KCNU1: variants seen among roughly 807,000 people sequenced by gnomAD.
KCNU1 encodes potassium calcium-activated channel subfamily U member 1.
Under a neutral mutation model 126.8 loss-of-function variants are expected in KCNU1, and 93 were observed. That is an observed-to-expected ratio of 0.73 (90% CI 0.62 to 0.87). KCNU1 has a LOEUF of 0.87. Ranked by LOEUF, KCNU1 falls within the 40% of genes least tolerant of loss-of-function variation. The pLI is 0.00. For synonymous variants in KCNU1, 523 were observed against 494.2 expected (o/e 1.06, Z -0.77); for missense variants, 1,330 against 1,367.1 (o/e 0.97, Z 0.43).
chr8:36,790,267 C>A (rs1174526359), intron 2 of KCNU1, among the ~76,000 whole-genome samples: 6 of 151,714 alleles, frequency 4.0e-5, no homozygotes. Context: ...AAAAATATAA[C>A]CTCAAGATAT....
At chr8:36,838,069 A>G (rs1199639986) in intron 14 of KCNU1, among the ~76,000 whole-genome samples, 2 of 152,224 alleles carry the variant, frequency 1.3e-5, no homozygotes, top group African/African-American at 4.8e-5. Flanking sequence ...CGTGAATGTA[A>G]AGAGATGTAA....
At chr8:36,861,317 T>A (rs1805722319) in intron 18 of KCNU1, among the ~76,000 whole-genome samples, 1 of 152,224 alleles carries the variant, frequency 6.6e-6, no homozygotes, top group Admixed American at 6.5e-5. Context: ...TTCCATGATT[T>A]CCAATCGTTA....
chr8:36,857,566 A>G (rs1805570408), intron 18 of KCNU1, among the ~76,000 whole-genome samples: 1 of 152,156 alleles, frequency 6.6e-6, no homozygotes, highest in Admixed American at 6.6e-5. Flanking sequence ...AAGATTTAGT[A>G]TATTTTATTG....
chr8:36,912,923 G>A (rs535651840), intron 22 of KCNU1, among the ~76,000 whole-genome samples: 11 of 130,996 alleles, frequency 8.4e-5, no homozygotes, highest in South Asian at 4.9e-4. Context: ...AGCTAAGATC[G>A]TGCCACTGCA....
intron 19 of KCNU1, among the ~76,000 whole-genome samples, chr8:36,871,073 G>A (rs1048604874): frequency 1.3e-5 from 2 of 152,030 alleles, no homozygotes; most frequent in Non-Finnish European, 2.9e-5. Context: ...ATCTTCATCA[G>A]GTCTCAATAG....
intron 19 of KCNU1, among the ~76,000 whole-genome samples, chr8:36,897,309 C>T (rs909129022): frequency 1.3e-5 from 2 of 151,902 alleles, no homozygotes; most frequent in Admixed American, 1.3e-4. Context: ...TAGAATCATT[C>T]TCTCTCTTTT....
intron 7 of KCNU1, 64 bp downstream of exon 7, chr8:36,808,857 G>A (rs1803604489): frequency 1.7e-6 from 2 of 1,185,834 alleles, no homozygotes; most frequent in Non-Finnish European, 2.5e-6. Context: ...TTTGAAAAAT[G>A]GAAGGGAACC....
chr8:36,836,319 A>G lies in KCNU1; in HGVS notation c.1319A>G (p.Asp440Gly), dbSNP rs772984384. ...IMRVLSIKNY[D>G]STTRIIIQIL... ...AGGGTGCTCTCTATCAAGAACTATGATTCTACCACCAGAATCATCATACAG... is the reference window on the plus strand; with the variant it reads ...AGGGTGCTCTCTATCAAGAACTATGGTTCTACCACCAGAATCATCATACAG... Residue 440 changes from aspartate (D) to glycine (G), a missense_variant, in exon 13 of 27, where the codon GAT (aspartate) becomes GGT (glycine). Asp to Gly is a moderately conservative substitution (Grantham distance 94). This residue lies in a region of KCNU1 where 1,054 missense variants were observed against 1,053.9 expected (regional missense o/e 1.00). Transcript: ENST00000399881. The G allele has an allele frequency of 6.2e-7, 1 of 1,608,176 alleles. No individual in the cohort carries two copies. Among genetic ancestry groups the G allele is most frequent in the South Asian group, 1.1e-5 (1 of 90,962 alleles).
Position 36,909,522 on chromosome 8 carries a change from T to A in KCNU1, c.2318T>A (p.Ile773Lys), listed in dbSNP as rs755501528. Reference protein sequence around the residue: ...EWRFLWNFPQIYILPGCALYS... With the variant: ...EWRFLWNFPQKYILPGCALYS... ...CGATTTCTCTGGAATTTTCCCCAGA[T>A]ATACATTCTGCCTGTAAGTATCATA... Residue 773 changes from isoleucine to lysine, a missense_variant, in exon 21 of 27, where the codon ATA becomes AAA. Transcript: ENST00000399881. 1.0e-5 allele frequency: 16 copies of A among 1,587,050 alleles called. No homozygotes were observed. The highest frequency in any genetic ancestry group is 1.3e-5 in the Non-Finnish European group (15 of 1,155,414).
intron 19 of KCNU1, among the ~76,000 whole-genome samples, chr8:36,880,004 G>T (rs1380905157): frequency 1.3e-5 from 2 of 152,188 alleles, no homozygotes; most frequent in African/African-American, 4.8e-5. Flanking sequence ...TGTACTGCAG[G>T]CTTTATGAAT....
At chr8:36,805,808 A>G (rs975267565) in intron 4 of KCNU1, among the ~76,000 whole-genome samples, 3 of 152,200 alleles carry the variant, frequency 2.0e-5, no homozygotes, top group African/African-American at 4.8e-5. Context: ...TAAAATATAC[A>G]CATATATGTA....
chr8:36,822,452 C>G (rs760605093), intron 10 of KCNU1, among the ~76,000 whole-genome samples: 3 of 151,922 alleles, frequency 2.0e-5, no homozygotes, highest in Non-Finnish European at 4.4e-5. Context: ...CCCAGCTGAG[C>G]CCAGTCAAAA....
At position 36,806,399 on chromosome 8, in the gene KCNU1, C is replaced by T. The variant is rs527980848; in HGVS notation, c.580+19C>T. On this transcript the variant is annotated intron_variant, in intron 5 of 26. Transcript: ENST00000399881. ...TGGCTAGGTAAGTGTGCTCTGGGAA[C>T]GGGTAGCAATATCTATGAATAAAAT... 258 of 1,277,038 alleles carry T rather than the reference C, an allele frequency of 2.0e-4. No individual in the cohort carries two copies. The highest frequency in any genetic ancestry group is 1.0e-3 in the South Asian group (80 of 77,284). The allele number at this position is 1,277,038 out of a possible 1,614,324, so 79.1% of individuals were successfully genotyped here.
intron 19 of KCNU1, 130 bp from the exon 20 acceptor site, chr8:36,905,578 C>T: frequency 1.5e-6 from 1 of 650,744 alleles, no homozygotes; most frequent in South Asian, 1.7e-5. Flanking sequence ...TAGAGTCTTA[C>T]AGACCTGAGG....
intron 11 of KCNU1, among the ~76,000 whole-genome samples, 182 bp from the exon 12 acceptor site, chr8:36,834,604 T>G (rs1804677473): frequency 6.6e-6 from 1 of 152,206 alleles, no homozygotes; most frequent in African/African-American, 2.4e-5. Flanking sequence ...ACCCTTGCCC[T>G]TTGCAGCATT....
At chr8:36,839,067 G>C (rs1401721581) in intron 14 of KCNU1, among the ~76,000 whole-genome samples, 1 of 152,064 alleles carries the variant, frequency 6.6e-6, no homozygotes, top group Non-Finnish European at 1.5e-5. Flanking sequence ...CTCATAACTG[G>C]CTTTTTCCAA....
intron 22 of KCNU1, among the ~76,000 whole-genome samples, chr8:36,917,510 C>T (rs917880332): frequency 7.8e-6 from 1 of 127,666 alleles, no homozygotes; most frequent in Non-Finnish European, 1.7e-5. Flanking sequence ...ACTGCTACAC[C>T]CAGCTAATTT....
chr8:36,785,147 T>G (rs1272646604), intron 1 of KCNU1, among the ~76,000 whole-genome samples: 1 of 152,258 alleles, frequency 6.6e-6, no homozygotes, highest in East Asian at 1.9e-4. Flanking sequence ...CAAGGACATT[T>G]CTTATACCCA....
At chr8:36,857,121 C>T (rs1805554232) in intron 18 of KCNU1, among the ~76,000 whole-genome samples, 4 of 152,210 alleles carry the variant, frequency 2.6e-5, no homozygotes, top group South Asian at 4.1e-4. Context: ...AAGTGACACA[C>T]CTGTTTTATG....
Sources: allele counts gnomAD v4.1 joint callset (sites outside exome capture counted in the v4.1 genomes callset), GRCh38; gene constraint gnomAD v4.1.1; regional missense constraint gnomAD v4.1.1; transcripts MANE v1.5; gene names NCBI Gene and HGNC (gene_info 2026-07-23, HGNC 2026-07-21).